Variants in NXPH1 observed in about 807,000 individuals in gnomAD.
NXPH1 encodes neurexophilin-1.
NXPH1 carries 5 observed loss-of-function variants against 23.7 expected under a neutral mutation model. The ratio of observed to expected loss-of-function variants is 0.21; its 90% CI spans 0.11 to 0.44. NXPH1 has a LOEUF of 0.44. Ranked by LOEUF, NXPH1 falls within the 20% of genes least tolerant of loss-of-function variation. The pLI, the probability that NXPH1 is intolerant of heterozygous loss-of-function variation, is 0.99. For synonymous variants in NXPH1, 144 were observed against 122.2 expected (o/e 1.18, Z -1.18); for missense variants, 324 against 321.6 (o/e 1.01, Z -0.06).
chr7:8,690,368 G>A (rs898899217), intron 2 of NXPH1: 1 of 152,134 alleles, frequency 6.6e-6, no homozygotes, highest in African/African-American at 2.4e-5. Flanking sequence ...TTTTTCTCTA[G>A]CCATGGTCTT....
intron 2 of NXPH1, among the ~76,000 whole-genome samples, chr7:8,680,433 A>C (rs1284658429): frequency 6.6e-6 from 1 of 152,186 alleles, no homozygotes; most frequent in Admixed American, 6.5e-5. Context: ...ATATAACCTA[A>C]GATTGTAGAT....
intron 2 of NXPH1, among the ~76,000 whole-genome samples, chr7:8,590,046 G>T (rs1819060498): frequency 6.6e-6 from 1 of 152,096 alleles, no homozygotes; most frequent in South Asian, 2.1e-4. Flanking sequence ...GCACTGAGAG[G>T]CTATGACAGT....
chr7:8,571,025 TCTAATCTA>T (rs1291000234), intron 2 of NXPH1, among the ~76,000 whole-genome samples: 1 of 4,006 alleles, frequency 2.5e-4, no homozygotes, highest in Non-Finnish European at 4.6e-4. Context: ...GTCTATCTAA[TCTAATCTA>T]ATCTAATCTA....
intron 2 of NXPH1, among the ~76,000 whole-genome samples, chr7:8,694,108 G>A (rs1199822839): frequency 6.6e-6 from 1 of 152,162 alleles, no homozygotes; most frequent in Non-Finnish European, 1.5e-5. Flanking sequence ...TGATTGATTA[G>A]GACACTCATG....
At chr7:8,561,031 C>T (rs1388619424) in intron 2 of NXPH1, among the ~76,000 whole-genome samples, 1 of 151,532 alleles carries the variant, frequency 6.6e-6, no homozygotes, top group Admixed American at 6.6e-5. Context: ...AACAGCAACC[C>T]CTCTGCTTTT....
chr7:8,455,120 C>T (rs898456211), intron 2 of NXPH1, among the ~76,000 whole-genome samples: 2 of 151,976 alleles, frequency 1.3e-5, no homozygotes, highest in Non-Finnish European at 2.9e-5. Flanking sequence ...AATCGTATGC[C>T]ACGCCATTAT....
At chr7:8,715,174 G>A (rs559307599) in intron 2 of NXPH1, among the ~76,000 whole-genome samples, 1 of 152,296 alleles carries the variant, frequency 6.6e-6, no homozygotes, top group East Asian at 1.9e-4. Flanking sequence ...TGCCCCCTCT[G>A]TGGGTGCTGG....
At chr7:8,537,890 T>G (rs1301925323) in intron 2 of NXPH1, among the ~76,000 whole-genome samples, 1 of 151,872 alleles carries the variant, frequency 6.6e-6, no homozygotes, top group Non-Finnish European at 1.5e-5. Context: ...AAGGCATGCA[T>G]TTTTAGAAAG....
intron 2 of NXPH1, among the ~76,000 whole-genome samples, chr7:8,729,166 C>G (rs1288396241): frequency 9.2e-5 from 14 of 151,538 alleles, no homozygotes; most frequent in African/African-American, 1.4e-4. Flanking sequence ...GTTTGTATTT[C>G]TGTGGGATCG....
intron 2 of NXPH1, among the ~76,000 whole-genome samples, chr7:8,693,543 C>CATTA: frequency 6.6e-6 from 1 of 152,260 alleles, no homozygotes; most frequent in Admixed American, 6.5e-5. Context: ...ACTTTGTTTC[C>CATTA]TCATCTCTAA....
At chr7:8,656,879 G>A (rs542056840) in intron 2 of NXPH1, among the ~76,000 whole-genome samples, 1 of 152,226 alleles carries the variant, frequency 6.6e-6, no homozygotes, top group Non-Finnish European at 1.5e-5. Flanking sequence ...TTAAACTGAG[G>A]ATTGTCTTAC....
chr7:8,569,990 A>C (rs574519436), intron 2 of NXPH1, among the ~76,000 whole-genome samples: 10 of 152,002 alleles, frequency 6.6e-5, no homozygotes, highest in African/African-American at 9.6e-5. Context: ...AATGTATGTA[A>C]AATAGTTGGT....
intron 2 of NXPH1, among the ~76,000 whole-genome samples, chr7:8,473,830 A>T (rs1816914982): frequency 6.6e-6 from 1 of 152,000 alleles, no homozygotes; most frequent in Non-Finnish European, 1.5e-5. Flanking sequence ...CAATTTGACT[A>T]GTCTAGATGA....
Position 8,477,627 on chromosome 7 carries a change from G to A in NXPH1, c.54+41860G>A, listed in dbSNP as rs115808615. The stretch of plus-strand genomic sequence containing the variant: ...TCTTAACGTAATTCTAGATTTAATG[G>A]CACTTTGGTGCTTGGGTCAGACCAG... On this transcript the variant is annotated intron_variant, in intron 2 of 2. Coordinates refer to ENST00000405863, the MANE Select transcript of NXPH1 (RefSeq NM_152745.3). Among the ~76,000 whole-genome samples the A allele has an allele frequency of 3.0e-3, 462 of 152,172 alleles. 4 individuals carry two copies. The highest frequency in any genetic ancestry group is 0.011 in the African/African-American group (439 of 41,538).
chr7:8,492,527 G>C (rs73232368), intron 2 of NXPH1, among the ~76,000 whole-genome samples: 12,544 of 152,038 alleles, frequency 0.083, 1,102 homozygotes, highest in African/African-American at 0.22. Context: ...TAGGCCTTTT[G>C]ACAGGTTTTG....
chr7:8,705,252 A>C (rs955211384), intron 2 of NXPH1, among the ~76,000 whole-genome samples: 2 of 152,134 alleles, frequency 1.3e-5, no homozygotes, highest in African/African-American at 2.4e-5. Context: ...TTATCCCCTT[A>C]GTGGGTCCAT....
intron 2 of NXPH1, among the ~76,000 whole-genome samples, chr7:8,521,260 A>C (rs568101861): frequency 1.1e-4 from 17 of 152,288 alleles, no homozygotes; most frequent in African/African-American, 4.1e-4. Flanking sequence ...GGCATCACTG[A>C]TGTCCCAGTC....
At position 8,602,043 on chromosome 7, in the gene NXPH1, T is replaced by C. The variant is rs975320771; in HGVS notation, c.55-148965T>C. ...GTAATAATAATTAGTATGTTCAGTA[T>C]TGGTGGATATAGTATATCAGAAAAG... On this transcript the variant is annotated intron_variant, in intron 2 of 2. Coordinates refer to ENST00000405863, the MANE Select transcript of NXPH1 (RefSeq NM_152745.3). Among the ~76,000 whole-genome samples, 3 of 152,230 alleles carry C rather than the reference T, an allele frequency of 2.0e-5. 1 individual carries two copies. Among genetic ancestry groups the C allele is most frequent in the Non-Finnish European group, 4.4e-5 (3 of 68,046 alleles).
At position 8,613,060 on chromosome 7, in the gene NXPH1, A is replaced by G. The variant is rs116822895; in HGVS notation, c.55-137948A>G. On this transcript the variant is annotated intron_variant, in intron 2 of 2. Coordinates refer to ENST00000405863, the MANE Select transcript of NXPH1 (RefSeq NM_152745.3). ...TATAGGGATATGTGTGTTTTTACTT[A>G]TCACTCTGTACATGTGTATCCACAT... Among the ~76,000 whole-genome samples, 617 of 152,088 alleles carry G rather than the reference A, an allele frequency of 4.1e-3. 4 individuals are homozygous for G. The highest frequency in any genetic ancestry group is 0.014 in the African/African-American group (586 of 41,528).
Sources: allele counts gnomAD v4.1 joint callset (sites outside exome capture counted in the v4.1 genomes callset), GRCh38; gene constraint gnomAD v4.1.1; transcripts MANE v1.5; gene names NCBI Gene and HGNC (gene_info 2026-07-23, HGNC 2026-07-21).